DRC7: variants seen among roughly 807,000 people sequenced by gnomAD.
DRC7 encodes coiled-coil domain containing 135.
DRC7 carries 80 observed loss-of-function variants against 104.4 expected under a neutral mutation model. That is an observed-to-expected ratio of 0.77 (90% CI 0.64 to 0.92). The LOEUF (loss-of-function observed/expected upper bound fraction) is 0.92. Among genes scored for constraint, DRC7 ranks in the 40% least tolerant of loss-of-function variants. DRC7 has a pLI of 0.00. For synonymous variants in DRC7, 405 were observed against 447.3 expected, an observed-to-expected ratio of 0.91 and a Z score of 1.19; for missense variants, 1,034 against 1,141.1, an observed-to-expected ratio of 0.91 and a Z score of 1.35.
At chr16:57,697,164 C>T (rs984542033) in intron 2 of DRC7, among the ~76,000 whole-genome samples, 2 of 152,090 alleles carry the variant, frequency 1.3e-5, no homozygotes, top group African/African-American at 2.4e-5. Context: ...CCACCTGCCT[C>T]GGCCTCCCAA....
intron 8 of DRC7, among the ~76,000 whole-genome samples, chr16:57,716,738 T>G (rs1180527053): frequency 6.6e-6 from 1 of 152,110 alleles, no homozygotes; most frequent in Non-Finnish European, 1.5e-5. Context: ...AGAGTTGGCT[T>G]CAGGACAGCT....
At chr16:57,729,557 GATGA>G (rs2049023745) in intron 17 of DRC7, among the ~76,000 whole-genome samples, 1 of 122,904 alleles carries the variant, frequency 8.1e-6, no homozygotes, top group Non-Finnish European at 1.7e-5. Context: ...TGGGTGGATG[GATGA>G]GTGGGTGGGT....
chr16:57,721,816 G>C, intron 10 of DRC7, 77 bp downstream of exon 10: 1 of 1,084,088 alleles, frequency 9.2e-7, no homozygotes, highest in East Asian at 2.5e-5. Context: ...CAACAGCGAG[G>C]CAGGGGGACA....
chr16:57,726,232 C>T lies in DRC7; in HGVS notation c.1923C>T (p.Asp641=), dbSNP rs773226615. 1.2e-6 allele frequency: 2 copies of T among 1,613,034 alleles called. No individual in the cohort carries two copies. Among genetic ancestry groups the T allele is most frequent in the Non-Finnish European group, 1.7e-6 (2 of 1,179,896 alleles). The change falls in exon 14 of 19, where the codon GAC becomes GAT. Residue 641 remains aspartate (D), a synonymous_variant. Transcript: ENST00000360716. The part of the protein sequence containing the change: ...KREFLRRTEV[D]SKGNKIIMTP... Reference sequence around the variant, plus strand: ...AGTTCCTGCGGCGCACCGAGGTGGACAGCAAAGGCAACAAGATCATCATGA... The same window carrying T: ...AGTTCCTGCGGCGCACCGAGGTGGATAGCAAAGGCAACAAGATCATCATGA...
intron 10 of DRC7, among the ~76,000 whole-genome samples, chr16:57,722,157 A>G (rs1344996342): frequency 1.3e-5 from 2 of 152,152 alleles, no homozygotes; most frequent in African/African-American, 2.4e-5. Context: ...CTCCATGTCA[A>G]TATCTGCTGG....
chr16:57,727,254 G>C (rs1295426868), intron 15 of DRC7, 45 bp from the exon 16 acceptor site: 6 of 1,470,116 alleles, frequency 4.1e-6, no homozygotes, highest in South Asian at 2.3e-5. Flanking sequence ...TACAGGAGTG[G>C]AGGAGGGGTG....
chr16:57,727,434 C>A (rs540702611), intron 16 of DRC7, 25 bp downstream of exon 16: 2 of 1,568,536 alleles, frequency 1.3e-6, no homozygotes, highest in South Asian at 2.2e-5. Context: ...CTTCTCCAGG[C>A]CCCAGCTTTT....
rs1414846871 is a variant in DRC7 at position 57,730,865 on chromosome 16, CAGCCTGCAGCCTGG to C, written c.2392-65_2392-52del. 9 of 1,560,198 alleles carry C rather than the reference CAGCCTGCAGCCTGG, an allele frequency of 5.8e-6. No individual in the cohort carries two copies. In the East Asian group the frequency reaches 2.0e-4, roughly 35 times the overall value. ...TGCTGTCTAGTGACCCATGGGATTG[CAGCCTGCAGCCTGG>C]GTGAAGGTCAGCCTTGTCAGTCCTC... is the stretch of plus-strand genomic sequence containing the variant. On this transcript the variant is annotated intron_variant, in intron 17 of 18. Coordinates refer to ENST00000360716, the MANE Select transcript of DRC7 (RefSeq NM_001289162.2).
At chr16:57,718,568 G>A in intron 9 of DRC7, 93 bp downstream of exon 9, 2 of 1,478,308 alleles carry the variant, frequency 1.4e-6, no homozygotes, top group South Asian at 1.2e-5. Context: ...TGGCAGTGGG[G>A]GATGGCCCAA....
At chr16:57,708,709 C>G (rs1226400478) in intron 8 of DRC7, among the ~76,000 whole-genome samples, 1 of 152,172 alleles carries the variant, frequency 6.6e-6, no homozygotes, top group Admixed American at 6.5e-5. Flanking sequence ...CATTTACACT[C>G]CCACCAGCAA....
intron 15 of DRC7, 69 bp downstream of exon 15, chr16:57,727,011 A>C (rs2048976786): frequency 9.9e-7 from 1 of 1,012,470 alleles, no homozygotes; most frequent in African/African-American, 1.6e-5. Context: ...TCGCTCTATA[A>C]CCCAGGCTGG....
In DRC7 at chr16:57,731,765, G is replaced by A. The variant is rs2049064277; in HGVS notation, c.*507G>A. The A allele has an allele frequency of 1.2e-5, 2 of 162,778 alleles. No individual in the cohort carries two copies. 10.1% of individuals were successfully genotyped at this position (162,778 alleles called of 1,614,324 possible). A position where few individuals can be genotyped will look rare whatever the true frequency, so the allele number is the denominator to read the frequency against. On this transcript the variant is annotated 3_prime_UTR_variant, in exon 19 of 19. Coordinates refer to ENST00000360716, the MANE Select transcript of DRC7 (RefSeq NM_001289162.2). ...ACCAGATACCACTTACCCATCTGTG[G>A]AATGGGGTAGCATTGTTGCATTAAA...
At chr16:57,700,793 C>T (rs188064176) in intron 5 of DRC7, among the ~76,000 whole-genome samples, 1 of 152,226 alleles carries the variant, frequency 6.6e-6, no homozygotes, top group Non-Finnish European at 1.5e-5. Context: ...AGTTTATCCC[C>T]TAGTGCGCAG....
intron 12 of DRC7, among the ~76,000 whole-genome samples, chr16:57,723,963 A>G (rs1174823148): frequency 6.6e-6 from 1 of 152,096 alleles, no homozygotes; most frequent in African/African-American, 2.4e-5. Context: ...GTCACTGTTG[A>G]TGGGACAGCA....
At chr16:57,712,221 T>C (rs2048797214) in intron 8 of DRC7, among the ~76,000 whole-genome samples, 1 of 152,168 alleles carries the variant, frequency 6.6e-6, no homozygotes, top group African/African-American at 2.4e-5. Context: ...TTAGTCATAA[T>C]TGTGCAAAGG....
In DRC7 at chr16:57,702,026, G is replaced by T. The variant is rs778596229; in HGVS notation, c.595G>T (p.Gly199Cys). The change falls in exon 6 of 19, where the codon GGC becomes TGC. Residue 199 changes from glycine (G) to cysteine (C), a missense_variant. Gly to Cys is a radical substitution (Grantham distance 159). Coordinates refer to ENST00000360716, the MANE Select transcript of DRC7 (RefSeq NM_001289162.2). ...FSTLLCSMLIGSGYDAYCVNG... is the reference protein window; with the variant it reads ...FSTLLCSMLICSGYDAYCVNG... ...TACGCTGCTCTGCTCCATGCTTATC[G>T]GCTCTGGCTATGATGCTTACTGCGT... is the stretch of plus-strand genomic sequence containing the variant. 1 of 1,614,212 alleles carries T rather than the reference G, an allele frequency of 6.2e-7. No homozygotes were observed. The highest frequency in any genetic ancestry group is 1.7e-5 in the Admixed American group (1 of 60,028).
Position 57,726,299 on chromosome 16 carries a change from A to G in DRC7, c.1974+16A>G. 1 of 1,602,444 alleles carries G rather than the reference A, an allele frequency of 6.2e-7. No homozygotes were observed. Among genetic ancestry groups the G allele is most frequent in the Non-Finnish European group, 8.5e-7 (1 of 1,171,298 alleles). ...CAGCTTCGAGGTGGGCCTGGGGGCC[A>G]CGGCGGGCAGGGGTCGGCTGCAGGA... On this transcript the variant is annotated intron_variant, in intron 14 of 18. Transcript: ENST00000360716.
At chr16:57,705,073 G>A (rs373137285) in intron 7 of DRC7, 39 bp downstream of exon 7, 11 of 1,597,804 alleles carry the variant, frequency 6.9e-6, no homozygotes, top group East Asian at 2.2e-5. Context: ...CTCAGCTATC[G>A]AGAAAGGACT....
rs753448496 is a variant in DRC7 at position 57,724,799 on chromosome 16, T to A, written c.1722T>A (p.Thr574=). The A allele has an allele frequency of 6.2e-7, 1 of 1,613,666 alleles. No homozygotes were observed. Among genetic ancestry groups the A allele is most frequent in the South Asian group, 1.1e-5 (1 of 91,066 alleles). Residue 574 remains threonine (T), a synonymous_variant, in exon 13 of 19, where the codon ACT becomes ACA. Coordinates refer to ENST00000360716, the MANE Select transcript of DRC7 (RefSeq NM_001289162.2). ...TCGGACCCCGAGTCAAGAAGCTCAC[T>A]CTGAGCAGTGCAGAGTCAAACCCCC... The part of the protein sequence containing the change: ...ASFGPRVKKL[T]LSSAESNPRP...
Sources: gnomAD v4.1 joint callset for allele counts (sites outside exome capture counted in the v4.1 genomes callset) on GRCh38, gnomAD v4.1.1 for gene constraint, MANE v1.5 for transcripts, NCBI Gene and HGNC (gene_info 2026-07-23, HGNC 2026-07-21) for gene names.